Variants in MAP4 observed in about 807,000 individuals in gnomAD.
MAP4 encodes microtubule associated protein 4.
MAP4 carries 76 observed loss-of-function variants against 170.2 expected under a neutral mutation model. That is an observed-to-expected ratio of 0.45 (90% CI 0.37 to 0.54). The LOEUF (loss-of-function observed/expected upper bound fraction) is 0.54, where lower values mean the gene tolerates loss of function less well. MAP4 is among the 20% of genes least tolerant of loss of function. MAP4 has a pLI of 0.00. For missense variants in MAP4, 2,506 were observed against 2,748.0 expected (o/e 0.91, Z 1.97); for synonymous variants, 909 against 994.5 (o/e 0.91, Z 1.62).
In MAP4 at chr3:47,893,774, T is replaced by TA. The variant is rs529755825; in HGVS notation, c.5434+9175dup. On this transcript the variant is annotated intron_variant, in intron 10 of 20. Coordinates refer to ENST00000683076, the MANE Select transcript of MAP4 (RefSeq NM_001385682.1). The stretch of plus-strand genomic sequence containing the variant: ...ATTTAGATTGCTTTTTTTTTTTTTT[T>TA]AAAAAAAGGCCATTTGCCATAAACT... 3.8e-3 allele frequency among the ~76,000 whole-genome samples: 566 copies of TA among 150,090 alleles called. 7 individuals carry two copies. Among genetic ancestry groups the TA allele is most frequent in the Non-Finnish European group, 4.9e-3 (331 of 67,508 alleles).
At chr3:48,081,628 T>C (rs918490928) in intron 1 of MAP4, among the ~76,000 whole-genome samples, 4 of 152,204 alleles carry the variant, frequency 2.6e-5, no homozygotes, top group East Asian at 3.8e-4. Context: ...GAATGAACTC[T>C]GTGGTGCTGG....
chr3:47,912,422 C>A lies in MAP4; in HGVS notation c.2000-1G>T. The A allele has an allele frequency of 1.4e-6, 2 of 1,460,834 alleles. No homozygotes were observed. Among genetic ancestry groups the A allele is most frequent in the South Asian group, 1.3e-5 (1 of 74,146 alleles). 90.5% of individuals were successfully genotyped at this position (1,460,834 alleles called of 1,614,324 possible). On this transcript the variant is annotated splice_acceptor_variant, in intron 8 of 20. Transcript: ENST00000683076. LOFTEE classifies it high-confidence loss of function. ...GGGGTACCGCAATACATGAAGTTGG[C>A]TAAAATTCCAAACAAAAAACTCCTC...
intron 3 of MAP4, among the ~76,000 whole-genome samples, chr3:47,972,472 T>C (rs935863740): frequency 1.3e-5 from 2 of 152,248 alleles, no homozygotes; most frequent in African/African-American, 4.8e-5. Flanking sequence ...CCTTTTGGAA[T>C]AACTTCTTCA....
intron 12 of MAP4, 81 bp from the exon 13 acceptor site, chr3:47,872,181 G>GTTTGT (rs554016844): frequency 8.4e-5 from 109 of 1,295,326 alleles, no homozygotes; most frequent in Admixed American, 1.5e-4. Flanking sequence ...TTCTTTTTTT[G>GTTTGT]TTTGTTTTGT....
intron 2 of MAP4, 123 bp from the exon 3 acceptor site, chr3:47,978,056 C>A: frequency 1.5e-6 from 1 of 648,236 alleles, no homozygotes; most frequent in Non-Finnish European, 2.8e-6. Context: ...CAATTAAAAA[C>A]TGTTCAAAAT....
intron 3 of MAP4, among the ~76,000 whole-genome samples, chr3:47,943,780 G>C (rs773376832): frequency 6.6e-6 from 1 of 152,094 alleles, no homozygotes; most frequent in African/African-American, 2.4e-5. Context: ...ATAACTTTAA[G>C]ATCACATAGC....
chr3:47,867,537 G>T (rs963111034), intron 16 of MAP4, among the ~76,000 whole-genome samples, 199 bp from the exon 17 acceptor site: 1 of 152,226 alleles, frequency 6.6e-6, no homozygotes, highest in Non-Finnish European at 1.5e-5. Flanking sequence ...AGTGAAAAAC[G>T]TGAACAGACA....
intron 1 of MAP4, among the ~76,000 whole-genome samples, chr3:48,049,357 C>A (rs1201830587): frequency 6.6e-6 from 1 of 152,204 alleles, no homozygotes; most frequent in African/African-American, 2.4e-5. Flanking sequence ...CTGGATCCAG[C>A]ACCTGTAATC....
intron 3 of MAP4, chr3:47,974,910 G>C (rs2100081091): frequency 1.0e-6 from 1 of 984,934 alleles, no homozygotes; most frequent in East Asian, 1.1e-4. Context: ...GAGAAACATA[G>C]GTAGCCTGTA....
intron 1 of MAP4, among the ~76,000 whole-genome samples, chr3:48,069,122 T>C (rs2100139796): frequency 6.6e-6 from 1 of 152,200 alleles, no homozygotes; most frequent in African/African-American, 2.4e-5. Flanking sequence ...GGCAGAATTA[T>C]TCTGGGACTC....
chr3:47,854,573 T>C (rs912531017), intron 19 of MAP4, among the ~76,000 whole-genome samples: 1 of 152,096 alleles, frequency 6.6e-6, no homozygotes, highest in Non-Finnish European at 1.5e-5. Context: ...ACGGATGACA[T>C]GGAACATAGG....
At chr3:47,881,168 T>C (rs1342946965) in intron 10 of MAP4, among the ~76,000 whole-genome samples, 2 of 151,952 alleles carry the variant, frequency 1.3e-5, no homozygotes, top group Admixed American at 6.6e-5. Context: ...GATGTTAGTA[T>C]AGTCACTCCA....
upstream of MAP4, among the ~76,000 whole-genome samples, chr3:48,019,587 G>GA (rs1487180346): frequency 6.6e-6 from 1 of 150,834 alleles, no homozygotes. Context: ...TTTTATTAAA[G>GA]AAAAAACTCT....
chr3:47,929,493 T>G (rs1271060010), intron 3 of MAP4, among the ~76,000 whole-genome samples: 1 of 151,660 alleles, frequency 6.6e-6, no homozygotes, highest in African/African-American at 2.4e-5. Flanking sequence ...TCAACATAAT[T>G]ATATTCAACC....
chr3:48,052,242 GAC>G (rs1343637212), intron 1 of MAP4, among the ~76,000 whole-genome samples: 1 of 152,144 alleles, frequency 6.6e-6, no homozygotes, highest in Admixed American at 6.6e-5. Flanking sequence ...TGTTTTTTGA[GAC>G]AGAGTCTCGC....
At chr3:47,943,793 A>C (rs2100058007) in intron 3 of MAP4, among the ~76,000 whole-genome samples, 2 of 152,062 alleles carry the variant, frequency 1.3e-5, no homozygotes, top group South Asian at 4.2e-4. Flanking sequence ...CACATAGCAC[A>C]CTTGTTTTGC....
At chr3:47,860,108 TG>T (rs1342670646) in intron 17 of MAP4, among the ~76,000 whole-genome samples, 2 of 152,208 alleles carry the variant, frequency 1.3e-5, no homozygotes. Context: ...CTTCAAGCAA[TG>T]GTGACAAGCT....
At chr3:47,892,490 A>G in intron 10 of MAP4, 1 of 1,524,258 alleles carries the variant, frequency 6.6e-7, no homozygotes, top group Admixed American at 2.0e-5. Context: ...TGAGAGCGAC[A>G]TCGTCTCTCC....
At chr3:47,906,840 CT>C (rs1192614085) in intron 9 of MAP4, among the ~76,000 whole-genome samples, 99 of 142,730 alleles carry the variant, frequency 6.9e-4, no homozygotes, top group Non-Finnish European at 7.1e-4. Flanking sequence ...TATACTGATT[CT>C]TTTTTTTTTT....
Sources: allele counts gnomAD v4.1 joint callset (sites outside exome capture counted in the v4.1 genomes callset), GRCh38; gene constraint gnomAD v4.1.1; transcripts MANE v1.5; gene names NCBI Gene and HGNC (gene_info 2026-07-23, HGNC 2026-07-21).